Variants in MBD5 observed in about 807,000 individuals in gnomAD.
The protein encoded by MBD5 is methyl-CpG binding domain protein 5, also known as methyl-CpG-binding domain protein 5.
A neutral mutation model predicts 117.3 loss-of-function variants in MBD5; 13 were observed. The ratio of observed to expected loss-of-function variants is 0.11; its 90% CI spans 0.07 to 0.18. The LOEUF is 0.18. Among genes scored for constraint, MBD5 ranks in the 10% least tolerant of loss-of-function variants. MBD5 has a pLI of 1.00. For missense variants in MBD5, 1,879 were observed against 2,093.8 expected (o/e 0.90, Z 2.00); for synonymous variants, 727 against 766.4 (o/e 0.95, Z 0.85).
At chr2:148,486,673 A>T (rs1574481129) in intron 10 of MBD5, among the ~76,000 whole-genome samples, 2 of 152,252 alleles carry the variant, frequency 1.3e-5, no homozygotes, top group East Asian at 3.8e-4. Flanking sequence ...GAAAAAAATT[A>T]GCAATAGATA....
intron 1 of MBD5, chr2:148,025,251 C>T (rs1332832993): frequency 1.3e-5 from 2 of 151,932 alleles, no homozygotes; most frequent in Non-Finnish European, 2.9e-5. Context: ...GTGTATTGGT[C>T]GTATCTTTGT....
At chr2:148,054,629 T>A (rs1387085072) in intron 1 of MBD5, 1 of 152,230 alleles carries the variant, frequency 6.6e-6, no homozygotes, top group Non-Finnish European at 1.5e-5. Flanking sequence ...TGATCACTTT[T>A]ACAGTCATTT....
chr2:148,349,824 T>C lies in MBD5; in HGVS notation c.-557+7488T>C, dbSNP rs546676472. Among the ~76,000 whole-genome samples, 9 of 152,150 alleles carry C rather than the reference T, an allele frequency of 5.9e-5. No individual in the cohort carries two copies. The South Asian group carries it at 1.7e-3, about 28-fold the overall frequency. On this transcript the variant is annotated intron_variant, in intron 4 of 13. Transcript: ENST00000642680. ...TCTCTTAAATCTTATATTACTTCCA[T>C]TGAATACACACCTAACATAGTAGAA...
intron 1 of MBD5, among the ~76,000 whole-genome samples, chr2:148,081,494 G>A (rs1385103953): frequency 1.3e-5 from 2 of 152,116 alleles, no homozygotes; most frequent in African/African-American, 2.4e-5. Flanking sequence ...CTTTTTACAA[G>A]GATTAAGGAT....
At chr2:148,223,914 G>C (rs557805767) in intron 2 of MBD5, among the ~76,000 whole-genome samples, 1 of 152,050 alleles carries the variant, frequency 6.6e-6, no homozygotes, top group East Asian at 1.9e-4. Context: ...GGTTTTGCTT[G>C]TTGTGTTTCC....
chr2:148,416,496 A>C (rs1396709119), intron 4 of MBD5, among the ~76,000 whole-genome samples: 11 of 152,182 alleles, frequency 7.2e-5, no homozygotes, highest in Non-Finnish European at 1.5e-5. Context: ...GGGGCCAGGC[A>C]CTGGTGGGGG....
chr2:148,214,012 T>C (rs527560518), intron 2 of MBD5, among the ~76,000 whole-genome samples: 53 of 152,340 alleles, frequency 3.5e-4, no homozygotes, highest in African/African-American at 1.2e-3. Context: ...TTCTTAGGCC[T>C]CTAGGATATT....
At chr2:148,389,174 A>T (rs1250645335) in intron 4 of MBD5, among the ~76,000 whole-genome samples, 4 of 128,880 alleles carry the variant, frequency 3.1e-5, no homozygotes, top group African/African-American at 1.2e-4. Context: ...TTATGGCTCC[A>T]TAGTATTCCG....
intron 2 of MBD5, among the ~76,000 whole-genome samples, chr2:148,209,723 C>T (rs1049724157): frequency 4.0e-5 from 6 of 151,890 alleles, no homozygotes; most frequent in African/African-American, 1.5e-4. Flanking sequence ...CTTATCAGGG[C>T]CTCAGGAAGC....
Position 148,458,661 on chromosome 2 carries a change from T to A in MBD5, c.-98T>A. 2 of 1,003,582 alleles carry A rather than the reference T, an allele frequency of 2.0e-6. No individual in the cohort carries two copies. Among genetic ancestry groups the A allele is most frequent in the Non-Finnish European group, 3.2e-6 (2 of 630,976 alleles). The allele number at this position is 1,003,582 out of a possible 1,614,324, so 62.2% of individuals were successfully genotyped here. A position where few individuals can be genotyped will look rare whatever the true frequency, so the allele number is the denominator to read the frequency against. ...GTTTTGTACAGTCTGGGAAAAACTG[T>A]GCTGCACTGGCCCACTTTTGAAGGC... On this transcript the variant is annotated 5_prime_UTR_variant, in exon 5 of 14. It introduces an in-frame stop codon into an upstream open reading frame of the 5' UTR. Transcript: ENST00000642680.
chr2:148,268,590 T>C (rs1348077733), intron 3 of MBD5, among the ~76,000 whole-genome samples: 1 of 151,724 alleles, frequency 6.6e-6, no homozygotes, highest in Non-Finnish European at 1.5e-5. Context: ...ATATATAATA[T>C]CATGTTCTTA....
chr2:148,244,416 T>A (rs920100099), intron 3 of MBD5: 13 of 152,282 alleles, frequency 8.5e-5, no homozygotes, highest in African/African-American at 2.6e-4. Context: ...TGACTTTGCA[T>A]GTGTATAAGA....
In MBD5 at chr2:148,106,718, G is replaced by A. The variant is rs1696381668; in HGVS notation, c.-924-71982G>A. ...TGGAATTCATGCAGTCTATTTGTAG[G>A]TGGTTACTCAAGAAATGGTATCATG... On this transcript the variant is annotated intron_variant, in intron 1 of 13. Transcript: ENST00000642680. 2.0e-5 allele frequency among the ~76,000 whole-genome samples: 3 copies of A among 151,682 alleles called. No individual in the cohort carries two copies. In the South Asian group the frequency reaches 6.2e-4, roughly 32 times the overall value.
chr2:148,148,152 T>C (rs1697518164), intron 1 of MBD5, among the ~76,000 whole-genome samples: 1 of 152,174 alleles, frequency 6.6e-6, no homozygotes, highest in Non-Finnish European at 1.5e-5. Context: ...ATAAAGGCAG[T>C]TCTGAGTCAG....
At chr2:148,152,423 G>T (rs1402795117) in intron 1 of MBD5, among the ~76,000 whole-genome samples, 3 of 152,120 alleles carry the variant, frequency 2.0e-5, no homozygotes, top group African/African-American at 7.2e-5. Flanking sequence ...CTGTTGATTT[G>T]GGGTGGAGAG....
At chr2:148,414,657 A>G (rs1705366424) in intron 4 of MBD5, among the ~76,000 whole-genome samples, 1 of 152,140 alleles carries the variant, frequency 6.6e-6, no homozygotes, top group Non-Finnish European at 1.5e-5. Context: ...TATTGGGTGC[A>G]TATATTTTTA....
At chr2:148,146,849 A>G (rs1397716284) in intron 1 of MBD5, among the ~76,000 whole-genome samples, 1 of 152,120 alleles carries the variant, frequency 6.6e-6, no homozygotes, top group Admixed American at 6.6e-5. Flanking sequence ...ATTGTCACCA[A>G]GTTCACTGAT....
chr2:148,262,778 C>A (rs1198150791), intron 3 of MBD5, among the ~76,000 whole-genome samples: 1 of 152,188 alleles, frequency 6.6e-6, no homozygotes, highest in African/African-American at 2.4e-5. Context: ...GAAAACTCAG[C>A]AGTCAGACTG....
At chr2:148,202,227 A>G (rs1035110483) in intron 2 of MBD5, among the ~76,000 whole-genome samples, 1 of 152,246 alleles carries the variant, frequency 6.6e-6, no homozygotes, top group Non-Finnish European at 1.5e-5. Flanking sequence ...AAAATATGAT[A>G]TGTTCTAAAG....
Sources: allele counts gnomAD v4.1 joint callset (sites outside exome capture counted in the v4.1 genomes callset), GRCh38; gene constraint gnomAD v4.1.1; transcripts MANE v1.5; gene names NCBI Gene and HGNC (gene_info 2026-07-23, HGNC 2026-07-21).